Variants in ACSS3 observed in about 807,000 individuals in gnomAD.
ACSS3 encodes acyl-CoA synthetase short chain family member 3.
Under a neutral mutation model 84.2 loss-of-function variants are expected in ACSS3, and 64 were observed. The ratio of observed to expected loss-of-function variants is 0.76; its 90% CI spans 0.62 to 0.94. ACSS3 has a LOEUF of 0.94. ACSS3 is among the 40% of genes least tolerant of loss of function. The probability of loss-of-function intolerance (pLI) is 0.00; values close to 1 mark genes in which losing one functional copy is unlikely to be tolerated. For missense variants in ACSS3, 815 were observed against 867.6 expected (o/e 0.94, Z 0.76); for synonymous variants, 317 against 310.1 (o/e 1.02, Z -0.23).
At chr12:81,221,235 C>G (rs2033095686) in intron 11 of ACSS3, among the ~76,000 whole-genome samples, 1 of 152,030 alleles carries the variant, frequency 6.6e-6, no homozygotes, top group South Asian at 2.1e-4. Context: ...TTTAGTCCCT[C>G]TGATTAACAT....
intron 2 of ACSS3, 92 bp from the exon 3 acceptor site, chr12:81,134,724 C>T (rs73359349): frequency 0.019 from 21,604 of 1,161,332 alleles, 872 homozygotes; most frequent in African/African-American, 0.14. Context: ...TACTACCAAG[C>T]GGGTGATCAG....
chr12:81,217,108 A>G (rs2032948225), intron 10 of ACSS3, 112 bp downstream of exon 10: 1 of 722,056 alleles, frequency 1.4e-6, no homozygotes, highest in African/African-American at 1.8e-5. Context: ...ATCTGGTTGA[A>G]TGAATGCCTT....
intron 2 of ACSS3, chr12:81,124,432 C>T (rs1301005601): frequency 6.6e-6 from 1 of 152,134 alleles, no homozygotes; most frequent in Non-Finnish European, 1.5e-5. Flanking sequence ...ATTGTTGTTC[C>T]ATTTCACTCT....
intron 3 of ACSS3, among the ~76,000 whole-genome samples, chr12:81,135,891 T>C (rs1475173956): frequency 6.6e-6 from 1 of 152,170 alleles, no homozygotes; most frequent in Non-Finnish European, 1.5e-5. Flanking sequence ...ATATAAACTA[T>C]AAGATAAGGT....
At chr12:81,153,974 T>C (rs1263326541) in intron 7 of ACSS3, among the ~76,000 whole-genome samples, 1 of 152,236 alleles carries the variant, frequency 6.6e-6, no homozygotes, top group Admixed American at 6.5e-5. Context: ...GCGGACTTGA[T>C]ATGCATTTGG....
chr12:81,158,623 A>C (rs1355437582), intron 7 of ACSS3, among the ~76,000 whole-genome samples: 1 of 151,960 alleles, frequency 6.6e-6, no homozygotes, highest in Admixed American at 6.5e-5. Flanking sequence ...TCCAAGGTAC[A>C]ACGTGCTCCT....
chr12:81,204,136 T>C (rs1397397721), intron 9 of ACSS3, among the ~76,000 whole-genome samples: 1 of 152,112 alleles, frequency 6.6e-6, no homozygotes, highest in Non-Finnish European at 1.5e-5. Context: ...GTGGGATTTT[T>C]TTTTTCTTGT....
chr12:81,217,069 G>A, intron 10 of ACSS3, 73 bp downstream of exon 10: 1 of 1,206,308 alleles, frequency 8.3e-7, no homozygotes, highest in Admixed American at 1.9e-5. Context: ...GTATTATGTT[G>A]CATGAAACAA....
chr12:81,083,893 T>C (rs546678606), intron 1 of ACSS3, among the ~76,000 whole-genome samples: 13 of 152,102 alleles, frequency 8.5e-5, no homozygotes, highest in Admixed American at 7.2e-4. Flanking sequence ...TCGCTTGATC[T>C]AGGGAGTCAG....
intron 8 of ACSS3, among the ~76,000 whole-genome samples, chr12:81,184,465 G>T (rs1249799670): frequency 6.6e-6 from 1 of 151,432 alleles, no homozygotes; most frequent in Non-Finnish European, 1.5e-5. Flanking sequence ...ATGAAGTACA[G>T]AAAAACCATA....
chr12:81,127,766 C>T (rs1464198993), intron 2 of ACSS3, among the ~76,000 whole-genome samples: 1 of 152,048 alleles, frequency 6.6e-6, no homozygotes. Flanking sequence ...ATTTTTACTA[C>T]AATTTGGAAA....
At chr12:81,181,868 TA>T (rs755634445) in intron 8 of ACSS3, among the ~76,000 whole-genome samples, 1 of 133,820 alleles carries the variant, frequency 7.5e-6, no homozygotes, top group Non-Finnish European at 1.6e-5. Flanking sequence ...CAGGAAAAAA[TA>T]AAAAAAGAAT....
intron 7 of ACSS3, among the ~76,000 whole-genome samples, chr12:81,155,742 T>C (rs1290123970): frequency 6.6e-6 from 1 of 152,252 alleles, no homozygotes; most frequent in African/African-American, 2.4e-5. Context: ...TCATGTTGAC[T>C]TATGTCCATT....
Position 81,127,671 on chromosome 12 carries a change from G to A in ACSS3, c.457-7145G>A, listed in dbSNP as rs376045475. On this transcript the variant is annotated intron_variant, in intron 2 of 15. Coordinates refer to ENST00000548058, the MANE Select transcript of ACSS3 (RefSeq NM_024560.4). ...AGACCAGGGTTTGCAATGTAACATTGTGGCATTTTGAAAATATGCATTCCC... is the reference window on the plus strand; with the variant it reads ...AGACCAGGGTTTGCAATGTAACATTATGGCATTTTGAAAATATGCATTCCC... Among the ~76,000 whole-genome samples the A allele has an allele frequency of 4.4e-4, 67 of 152,198 alleles. 1 individual carries two copies. The South Asian group carries it at 5.0e-3, about 11-fold the overall frequency.
Position 81,135,008 on chromosome 12 carries a change from A to T in ACSS3, c.645+4A>T. On this transcript the variant is annotated splice_donor_region_variant and intron_variant, in intron 3 of 15. Coordinates refer to ENST00000548058, the MANE Select transcript of ACSS3 (RefSeq NM_024560.4). ...TAGTCGCATTGATCATGTAAAGGTA[A>T]GTGCTTTATTTTGGGAAATCAAGTA... 1.3e-6 allele frequency: 2 copies of T among 1,572,546 alleles called. No individual in the cohort carries two copies. Among genetic ancestry groups the T allele is most frequent in the Non-Finnish European group, 1.7e-6 (2 of 1,155,822 alleles).
chr12:81,174,184 G>A (rs1593159396), intron 7 of ACSS3, among the ~76,000 whole-genome samples: 2 of 152,118 alleles, frequency 1.3e-5, no homozygotes, highest in South Asian at 2.1e-4. Flanking sequence ...TGTATGGCTT[G>A]CCAAATTGTG....
chr12:81,259,519 TC>T lies in ACSS3; in HGVS notation c.*4603del, dbSNP rs1436269283. 1.8e-5 allele frequency: 17 copies of T among 941,880 alleles called. No individual in the cohort carries two copies. The highest frequency in any genetic ancestry group is 2.7e-5 in the East Asian group (1 of 37,722). 58.3% of individuals were successfully genotyped at this position (941,880 alleles called of 1,614,324 possible). A position where few individuals can be genotyped will look rare whatever the true frequency, so the allele number is the denominator to read the frequency against. On this transcript the variant is annotated 3_prime_UTR_variant, in exon 16 of 16. Transcript: ENST00000548058. Reference sequence around the variant, plus strand: ...AAACTAATCAAATGTAATATCTGACTCCCCCCAAAAATCACATTTTTCAGCT... The same window carrying T: ...AAACTAATCAAATGTAATATCTGACTCCCCCAAAAATCACATTTTTCAGCT...
intron 8 of ACSS3, among the ~76,000 whole-genome samples, chr12:81,181,640 A>G (rs1286335801): frequency 2.0e-5 from 3 of 151,910 alleles, no homozygotes; most frequent in Admixed American, 6.6e-5. Flanking sequence ...AGAAAATTCA[A>G]TGAAATCAGC....
At chr12:81,167,927 A>C (rs140971818) in intron 7 of ACSS3, among the ~76,000 whole-genome samples, 1 of 152,346 alleles carries the variant, frequency 6.6e-6, no homozygotes, top group African/African-American at 2.4e-5. Flanking sequence ...AGGAATTGCA[A>C]CTATGTGGGA....
Sources: gnomAD v4.1 joint callset for allele counts (sites outside exome capture counted in the v4.1 genomes callset) on GRCh38, gnomAD v4.1.1 for gene constraint, MANE v1.5 for transcripts, NCBI Gene and HGNC (gene_info 2026-07-23, HGNC 2026-07-21) for gene names.